SGCZ: variants seen among roughly 807,000 people sequenced by gnomAD.
The protein encoded by SGCZ is zeta-sarcoglycan.
Under a neutral mutation model 41.3 loss-of-function variants are expected in SGCZ, and 40 were observed. The observed-to-expected ratio is 0.97, with a 90% CI of 0.75 to 1.26. The LOEUF (loss-of-function observed/expected upper bound fraction) is 1.26, where lower values mean the gene tolerates loss of function less well. Among genes scored for constraint, SGCZ ranks in the 50% most tolerant of loss-of-function variants. The pLI, the probability that SGCZ is intolerant of heterozygous loss-of-function variation, is 0.00. For synonymous variants in SGCZ, 206 were observed against 137.5 expected, an observed-to-expected ratio of 1.50 and a Z score of -3.49; for missense variants, 552 against 369.8, an observed-to-expected ratio of 1.49 and a Z score of -4.04.
At chr8:14,436,724 G>C (rs1800104804) in intron 2 of SGCZ, among the ~76,000 whole-genome samples, 1 of 152,156 alleles carries the variant, frequency 6.6e-6, no homozygotes, top group South Asian at 2.1e-4. Flanking sequence ...CTTGACCTCT[G>C]AGTACACCTG....
intron 1 of SGCZ, among the ~76,000 whole-genome samples, chr8:14,603,062 G>A (rs1035473985): frequency 8.5e-5 from 13 of 152,116 alleles, no homozygotes; most frequent in Non-Finnish European, 1.8e-4. Flanking sequence ...ATTCTAGTAG[G>A]GGACTTGACA....
intron 3 of SGCZ, among the ~76,000 whole-genome samples, chr8:14,303,794 C>G (rs1317985517): frequency 6.6e-6 from 1 of 152,002 alleles, no homozygotes; most frequent in Non-Finnish European, 1.5e-5. Flanking sequence ...TATTGTCACC[C>G]AGGCTGGAGT....
chr8:14,269,954 C>T (rs926877839), intron 3 of SGCZ, among the ~76,000 whole-genome samples: 7 of 151,998 alleles, frequency 4.6e-5, no homozygotes, highest in African/African-American at 1.7e-4. Flanking sequence ...TTTTAAACAC[C>T]ATATAAGGTA....
chr8:15,109,849 C>A (rs1053587467), intron 1 of SGCZ, among the ~76,000 whole-genome samples: 3 of 152,066 alleles, frequency 2.0e-5, no homozygotes, highest in African/African-American at 4.8e-5. Flanking sequence ...ACAGCATTAT[C>A]ATTTATATGC....
intron 2 of SGCZ, among the ~76,000 whole-genome samples, chr8:14,437,772 G>T (rs1291530678): frequency 6.6e-6 from 1 of 151,362 alleles, no homozygotes; most frequent in East Asian, 1.9e-4. Context: ...AAAAATAAGT[G>T]TAATTTTATT....
intron 4 of SGCZ, among the ~76,000 whole-genome samples, chr8:14,180,704 G>T: frequency 6.6e-6 from 1 of 151,988 alleles, no homozygotes; most frequent in Non-Finnish European, 1.5e-5. Context: ...ATGAAGGTTT[G>T]TCATGGCCTT....
intron 2 of SGCZ, among the ~76,000 whole-genome samples, chr8:14,401,638 T>C (rs991154873): frequency 2.6e-5 from 4 of 151,710 alleles, no homozygotes; most frequent in Non-Finnish European, 5.9e-5. Context: ...TATGGCTGCA[T>C]AGTATTCCAT....
At chr8:14,410,291 C>G (rs1799324215) in intron 2 of SGCZ, among the ~76,000 whole-genome samples, 1 of 151,842 alleles carries the variant, frequency 6.6e-6, no homozygotes, top group African/African-American at 2.4e-5. Context: ...AAGTTGGGGA[C>G]TGCTGAATTA....
At chr8:14,998,823 G>A (rs1440214316) in intron 1 of SGCZ, among the ~76,000 whole-genome samples, 1 of 152,150 alleles carries the variant, frequency 6.6e-6, no homozygotes, top group African/African-American at 2.4e-5. Context: ...TTCTTGAAAA[G>A]TACGCCAAAG....
chr8:14,325,198 GCTAA>G (rs1802051291), intron 2 of SGCZ, among the ~76,000 whole-genome samples: 2 of 152,010 alleles, frequency 1.3e-5, no homozygotes, highest in Admixed American at 1.3e-4. Flanking sequence ...ACTGTTTAGG[GCTAA>G]CTGATACAGT....
In SGCZ at chr8:14,566,074, T is replaced by C. The variant is rs567939899; in HGVS notation, c.40-11148A>G. Among the ~76,000 whole-genome samples the C allele has an allele frequency of 1.2e-3, 189 of 152,312 alleles. 1 individual carries two copies. Among genetic ancestry groups the C allele is most frequent in the Middle Eastern group, 3.4e-3 (1 of 294 alleles). ...TGAAAGGACAAATTCACAATGAATA[T>C]GTTTTAATTTAAAATGAACTGCTTT... On this transcript the variant is annotated intron_variant, in intron 1 of 7. Transcript: ENST00000382080.
chr8:15,015,123 G>C (rs891978604), intron 1 of SGCZ, among the ~76,000 whole-genome samples: 2 of 152,032 alleles, frequency 1.3e-5, no homozygotes, highest in African/African-American at 4.8e-5. Flanking sequence ...TGCACCTATA[G>C]TCCCAGCTAC....
intron 4 of SGCZ, among the ~76,000 whole-genome samples, chr8:14,210,538 C>A (rs1321807483): frequency 6.6e-6 from 1 of 151,954 alleles, no homozygotes; most frequent in Non-Finnish European, 1.5e-5. Flanking sequence ...TCTCGGCTCA[C>A]CACAACCCCT....
intron 2 of SGCZ, among the ~76,000 whole-genome samples, chr8:14,532,970 C>A (rs1425597775): frequency 6.6e-6 from 1 of 151,732 alleles, no homozygotes; most frequent in Non-Finnish European, 1.5e-5. Flanking sequence ...TACATTTTTC[C>A]CTCTACAATC....
At chr8:15,105,583 G>T (rs1806793293) in intron 1 of SGCZ, among the ~76,000 whole-genome samples, 1 of 152,096 alleles carries the variant, frequency 6.6e-6, no homozygotes, top group South Asian at 2.1e-4. Context: ...ACAGGAGGTA[G>T]AAAGTCTGCC....
At chr8:15,236,920 C>G (rs57302050) in intron 1 of SGCZ, among the ~76,000 whole-genome samples, 1 of 152,158 alleles carries the variant, frequency 6.6e-6, no homozygotes, top group African/African-American at 2.4e-5. Flanking sequence ...GCCCCCTGCC[C>G]GAGTCCCCGG....
intron 5 of SGCZ, among the ~76,000 whole-genome samples, chr8:14,110,191 C>T: frequency 6.6e-6 from 1 of 152,108 alleles, no homozygotes; most frequent in South Asian, 2.1e-4. Context: ...AAGAATATTA[C>T]AAGATATACA....
chr8:15,115,224 T>C (rs995133515), intron 1 of SGCZ, among the ~76,000 whole-genome samples: 2 of 152,290 alleles, frequency 1.3e-5, no homozygotes, highest in African/African-American at 4.8e-5. Context: ...TTCCGAGCTA[T>C]CAAAGGCAGG....
chr8:15,177,829 G>A (rs1800046023), intron 1 of SGCZ, among the ~76,000 whole-genome samples: 1 of 152,100 alleles, frequency 6.6e-6, no homozygotes, highest in Non-Finnish European at 1.5e-5. Flanking sequence ...CCTTTCATGG[G>A]CGCCTCTGTC....
Sources: allele counts gnomAD v4.1 joint callset (sites outside exome capture counted in the v4.1 genomes callset), GRCh38; gene constraint gnomAD v4.1.1; transcripts MANE v1.5; gene names NCBI Gene and HGNC (gene_info 2026-07-23, HGNC 2026-07-21).